The following CTNNA2 variants were observed in gnomAD, a reference collection of about 807,000 sequenced individuals.
The protein encoded by CTNNA2 is catenin alpha 2.
CTNNA2 carries 42 observed loss-of-function variants against 101.0 expected under a neutral mutation model. The observed-to-expected ratio is 0.42, with a 90% CI of 0.32 to 0.54. The LOEUF (loss-of-function observed/expected upper bound fraction) is 0.54. CTNNA2 is among the 20% of genes least tolerant of loss of function. CTNNA2 has a pLI of 0.14. For synonymous variants in CTNNA2, 450 were observed against 456.4 expected (o/e 0.99, Z 0.18); for missense variants, 871 against 1,223.1 (o/e 0.71, Z 4.29).
At chr2:80,582,989 A>T (rs190290046) in intron 14 of CTNNA2, among the ~76,000 whole-genome samples, 3 of 152,270 alleles carry the variant, frequency 2.0e-5, no homozygotes, top group East Asian at 3.9e-4. Context: ...GACCCAAAAG[A>T]TATAAACAAA....
intron 9 of CTNNA2, among the ~76,000 whole-genome samples, chr2:80,529,100 C>T (rs1690295683): frequency 6.6e-6 from 1 of 152,136 alleles, no homozygotes; most frequent in African/African-American, 2.4e-5. Flanking sequence ...CAACTCATGT[C>T]CTGGTGGGCA....
intron 7 of CTNNA2, among the ~76,000 whole-genome samples, chr2:79,976,392 C>G (rs960302935): frequency 1.3e-5 from 2 of 152,156 alleles, no homozygotes; most frequent in African/African-American, 4.8e-5. Context: ...ACACAACTAC[C>G]TTCTGCAGAA....
intron 7 of CTNNA2, among the ~76,000 whole-genome samples, chr2:80,266,201 A>T (rs1672988430): frequency 1.3e-5 from 2 of 152,294 alleles, no homozygotes; most frequent in East Asian, 3.9e-4. Flanking sequence ...AGACTAGGTA[A>T]TTCCCCAAAC....
intron 7 of CTNNA2, among the ~76,000 whole-genome samples, chr2:80,091,581 T>C (rs976961774): frequency 1.3e-5 from 2 of 152,048 alleles, no homozygotes; most frequent in East Asian, 1.9e-4. Flanking sequence ...AGGACAAAAC[T>C]GAACACCTAG....
chr2:79,426,850 G>A (rs1220122640), intron 4 of CTNNA2, among the ~76,000 whole-genome samples: 1 of 152,042 alleles, frequency 6.6e-6, no homozygotes, highest in Non-Finnish European at 1.5e-5. Flanking sequence ...CTGTTCCCCA[G>A]AGATATAGCA....
intron 6 of CTNNA2, among the ~76,000 whole-genome samples, chr2:79,893,707 G>A (rs746922533): frequency 6.6e-6 from 1 of 152,170 alleles, no homozygotes; most frequent in African/African-American, 2.4e-5. Context: ...TCAAACCAGT[G>A]TAACTTTGAT....
At chr2:80,548,273 G>A (rs920787957) in intron 11 of CTNNA2, among the ~76,000 whole-genome samples, 2 of 152,048 alleles carry the variant, frequency 1.3e-5, no homozygotes, top group Non-Finnish European at 2.9e-5. Context: ...GAAATCTTCT[G>A]CATCCCCTTC....
chr2:79,314,086 T>A (rs2104402920), intron 3 of CTNNA2, among the ~76,000 whole-genome samples: 1 of 152,240 alleles, frequency 6.6e-6, no homozygotes, highest in Non-Finnish European at 1.5e-5. Context: ...TGAGGAATCA[T>A]TTTTCCTTTC....
intron 7 of CTNNA2, among the ~76,000 whole-genome samples, chr2:80,248,699 G>C (rs1573507392): frequency 6.6e-6 from 1 of 152,164 alleles, no homozygotes; most frequent in East Asian, 1.9e-4. Flanking sequence ...TCTCAGAGGT[G>C]CTGGCTGTAA....
Position 79,629,917 on chromosome 2 carries a change from A to G in CTNNA2, c.-5-21635A>G, listed in dbSNP as rs1679575688. Among the ~76,000 whole-genome samples the G allele has an allele frequency of 2.0e-5, 3 of 152,060 alleles. No homozygotes were observed. In the South Asian group the frequency reaches 6.2e-4, roughly 32 times the overall value. ...CTGGGAGCACACTTTTCACTTGCAAACCAACAAATCCAAAGCCCATATCCT... is the reference window on the plus strand; with the variant it reads ...CTGGGAGCACACTTTTCACTTGCAAGCCAACAAATCCAAAGCCCATATCCT... On this transcript the variant is annotated intron_variant, in intron 1 of 18. Coordinates refer to ENST00000402739, the MANE Select transcript of CTNNA2 (RefSeq NM_001282597.3).
chr2:79,918,610 A>G (rs1219920686), intron 7 of CTNNA2, among the ~76,000 whole-genome samples: 1 of 152,218 alleles, frequency 6.6e-6, no homozygotes, highest in Non-Finnish European at 1.5e-5. Flanking sequence ...CCACAAGCCC[A>G]TAATCACTCA....
chr2:80,042,629 T>G (rs1696143518), intron 7 of CTNNA2, among the ~76,000 whole-genome samples: 1 of 152,118 alleles, frequency 6.6e-6, no homozygotes, highest in South Asian at 2.1e-4. Flanking sequence ...TGTGGGAAAA[T>G]GGACCATGGC....
At chr2:79,782,965 TC>T (rs1674564193) in intron 3 of CTNNA2, among the ~76,000 whole-genome samples, 1 of 113,076 alleles carries the variant, frequency 8.8e-6, no homozygotes, top group African/African-American at 5.8e-5. Flanking sequence ...TTCTTGACAG[TC>T]TTTTTTTTTT....
At chr2:80,228,669 G>T (rs1709028555) in intron 7 of CTNNA2, among the ~76,000 whole-genome samples, 1 of 152,118 alleles carries the variant, frequency 6.6e-6, no homozygotes, top group Non-Finnish European at 1.5e-5. Flanking sequence ...CTCATTACAG[G>T]GGATTCTGAG....
At chr2:79,191,838 T>G (rs1006915738) in intron 1 of CTNNA2, among the ~76,000 whole-genome samples, 2 of 152,190 alleles carry the variant, frequency 1.3e-5, no homozygotes, top group Non-Finnish European at 2.9e-5. Flanking sequence ...AAGTTCATTT[T>G]GGGGTACAGA....
chr2:79,272,147 G>A (rs1425811176), intron 2 of CTNNA2, among the ~76,000 whole-genome samples: 2 of 151,938 alleles, frequency 1.3e-5, no homozygotes, highest in African/African-American at 2.4e-5. Flanking sequence ...TATAAAGTTG[G>A]TGATATTATC....
At chr2:79,566,032 G>T (rs543166083) in intron 1 of CTNNA2, among the ~76,000 whole-genome samples, 47 of 152,226 alleles carry the variant, frequency 3.1e-4, no homozygotes, top group African/African-American at 1.1e-3. Context: ...AGTGAACCAG[G>T]TGAGTGGGGT....
chr2:79,348,890 G>T lies in CTNNA2; in HGVS notation c.-317-24941G>T, dbSNP rs529260648. Among the ~76,000 whole-genome samples, 89 of 152,202 alleles carry T rather than the reference G, an allele frequency of 5.8e-4. 1 individual carries two copies. Among genetic ancestry groups the T allele is most frequent in the Middle Eastern group, 3.4e-3 (1 of 294 alleles). On this transcript the variant is annotated intron_variant, in intron 3 of 21. Coordinates refer to the CTNNA2 transcript ENST00000466387. ...TACTTTGATCATGGTTAAATACAAA[G>T]CAGTTCATTGCATTTATCTCTGCCA...
At chr2:79,457,694 G>T (rs1044868446) in intron 4 of CTNNA2, among the ~76,000 whole-genome samples, 7 of 152,038 alleles carry the variant, frequency 4.6e-5, no homozygotes, top group African/African-American at 1.7e-4. Flanking sequence ...TCCCTAAGGA[G>T]GGAAAAAAAG....
Sources: allele counts gnomAD v4.1 joint callset (sites outside exome capture counted in the v4.1 genomes callset), GRCh38; gene constraint gnomAD v4.1.1; transcripts MANE v1.5; gene names NCBI Gene and HGNC (gene_info 2026-07-23, HGNC 2026-07-21).